The following LYST variants were observed in gnomAD, a reference collection of about 807,000 sequenced individuals.
LYST encodes lysosomal-trafficking regulator.
Under a neutral mutation model 413.6 loss-of-function variants are expected in LYST, and 192 were observed. That is an observed-to-expected ratio of 0.46 (90% CI 0.41 to 0.52). The LOEUF is 0.52. Among genes scored for constraint, LYST ranks in the 20% least tolerant of loss-of-function variants. The pLI is 0.00. For missense variants in LYST, 3,815 were observed against 4,499.9 expected, an observed-to-expected ratio of 0.85 and a Z score of 4.35; for synonymous variants, 1,525 against 1,567.3, an observed-to-expected ratio of 0.97 and a Z score of 0.64.
At chr1:235,834,829 G>A (rs969593493) in intron 1 of LYST, among the ~76,000 whole-genome samples, 7 of 152,002 alleles carry the variant, frequency 4.6e-5, no homozygotes, top group African/African-American at 1.4e-4. Context: ...GTATATCAAC[G>A]GCTCAACCAA....
At chr1:235,830,918 T>C (rs981263756) in intron 2 of LYST, among the ~76,000 whole-genome samples, 2 of 152,188 alleles carry the variant, frequency 1.3e-5, no homozygotes, top group South Asian at 4.1e-4. Flanking sequence ...TGAAAAATTC[T>C]AATAGCTAAA....
In LYST at chr1:235,757,451, C is replaced by T. The variant is rs1180470841; in HGVS notation, c.6889G>A (p.Glu2297Lys). Reference sequence around the variant, plus strand: ...CAGCATATAGGTACCAAACAGTCTTCAGTTACACTAAAACAGAGACCAAAA... The same window carrying T: ...CAGCATATAGGTACCAAACAGTCTTTAGTTACACTAAAACAGAGACCAAAA... Reference protein sequence around the residue: ...NRTASAHSVTEDCLVPICCGL... With the variant: ...NRTASAHSVTKDCLVPICCGL... Residue 2297 changes from glutamate (E) to lysine (K), a missense_variant, in exon 24 of 53, where the codon GAA becomes AAA. This residue lies in a region of LYST where 771 missense variants were observed against 837.1 expected (regional missense o/e 0.92). Coordinates refer to ENST00000389793, the MANE Select transcript of LYST (RefSeq NM_000081.4). The T allele has an allele frequency of 1.9e-6, 3 of 1,613,148 alleles. No individual in the cohort carries two copies. The highest frequency in any genetic ancestry group is 2.5e-6 in the Non-Finnish European group (3 of 1,179,354).
intron 50 of LYST, among the ~76,000 whole-genome samples, chr1:235,670,261 T>C (rs1658825958): frequency 6.6e-6 from 1 of 152,170 alleles, no homozygotes; most frequent in African/African-American, 2.4e-5. Flanking sequence ...CTCAAGCCAA[T>C]GGGGAGAGGA....
At chr1:235,883,088 CG>C (rs1681450866) in intron 1 of LYST, 2 of 152,358 alleles carry the variant, frequency 1.3e-5, no homozygotes, top group Admixed American at 6.5e-5. Context: ...TCACCTTTCT[CG>C]GTGGTACTTA....
intron 45 of LYST, among the ~76,000 whole-genome samples, chr1:235,700,290 A>G (rs972813421): frequency 3.7e-4 from 57 of 152,328 alleles, no homozygotes; most frequent in African/African-American, 1.3e-3. Context: ...CAGAGTGAAC[A>G]AGCAACCTAT....
At chr1:235,779,158 T>A (rs1011714386) in intron 16 of LYST, among the ~76,000 whole-genome samples, 4 of 152,152 alleles carry the variant, frequency 2.6e-5, no homozygotes, top group Non-Finnish European at 5.9e-5. Context: ...TGAGCCACCG[T>A]GCCTGGCCGA....
intron 1 of LYST, among the ~76,000 whole-genome samples, chr1:235,860,109 C>G (rs1343799789): frequency 6.6e-6 from 1 of 152,120 alleles, no homozygotes; most frequent in Admixed American, 6.5e-5. Flanking sequence ...ACCTTCCTCT[C>G]CCCCCATTTT....
Position 235,808,939 on chromosome 1 carries a change from C to G in LYST, c.1879G>C (p.Glu627Gln). ...KLILDQLGGA[E>Q]ISPKIKKAAC... is the part of the protein sequence containing the mutation. ...GCTTTTTTAATTTTTGGTGATATCT[C>G]TGCTCCTCCTAACTGATCCAAAATA... Residue 627 changes from glutamate (E) to glutamine (Q), a missense_variant, in exon 5 of 53, where the codon GAG (glutamate) becomes CAG (glutamine). By Grantham distance (29) the Glu-to-Gln change is conservative (BLOSUM62 2). Coordinates refer to ENST00000389793, the MANE Select transcript of LYST (RefSeq NM_000081.4). The G allele has an allele frequency of 6.2e-7, 1 of 1,613,174 alleles. No homozygotes were observed. Among genetic ancestry groups the G allele is most frequent in the Non-Finnish European group, 8.5e-7 (1 of 1,179,420 alleles).
chr1:235,883,360 T>G (rs929114418), exon 1 of LYST: 2 of 152,666 alleles, frequency 1.3e-5, no homozygotes, highest in Non-Finnish European at 2.9e-5. Flanking sequence ...AGGGTAGGAT[T>G]ATTCCCCTGG....
Position 235,808,793 on chromosome 1 carries a change from T to C in LYST, c.2025A>G (p.Gln675=). 6.2e-7 allele frequency: 1 copy of C among 1,614,038 alleles called. No homozygotes were observed. Among genetic ancestry groups the C allele is most frequent in the Non-Finnish European group, 8.5e-7 (1 of 1,179,982 alleles). The change falls in exon 5 of 53, where the codon CAA becomes CAG. Residue 675 remains glutamine, a synonymous_variant. Coordinates refer to ENST00000389793, the MANE Select transcript of LYST (RefSeq NM_000081.4). ...CAGATCCACTGCTGGGCAGGATCCCTTGAAATCTGTAAGAAGGACTGGATA... is the reference window on the plus strand; with the variant it reads ...CAGATCCACTGCTGGGCAGGATCCCCTGAAATCTGTAAGAAGGACTGGATA... ...SSLSSPSYRF[Q]GILPSSGSED...
intron 14 of LYST, among the ~76,000 whole-genome samples, chr1:235,784,498 G>T (rs1171424674): frequency 6.6e-6 from 1 of 152,174 alleles, no homozygotes; most frequent in Non-Finnish European, 1.5e-5. Flanking sequence ...GGCTGCAGGG[G>T]CAGTAAAGCA....
chr1:235,758,000 A>C (rs1667208873), intron 23 of LYST, among the ~76,000 whole-genome samples: 1 of 152,044 alleles, frequency 6.6e-6, no homozygotes, highest in African/African-American at 2.4e-5. Flanking sequence ...GGAAGAATCT[A>C]GCATTACAGA....
Position 235,813,031 on chromosome 1 carries a change from G to A in LYST, c.223C>T (p.Leu75Phe). 6.2e-7 allele frequency: 1 copy of A among 1,609,796 alleles called. No homozygotes were observed. The highest frequency in any genetic ancestry group is 8.5e-7 in the Non-Finnish European group (1 of 1,176,228). The part of the protein sequence containing the change: ...ALTCREELLT[L>F]LLSLLPLVWK... Reference sequence around the variant, plus strand: ...ACCAGTGGAAGGAGAGACAGAAGAAGAGTCAGGAGTTCTTCTCTACATGTC... The same window carrying A: ...ACCAGTGGAAGGAGAGACAGAAGAAAAGTCAGGAGTTCTTCTCTACATGTC... The change falls in exon 4 of 53, where the codon CTT becomes TTT. Residue 75 changes from leucine (L) to phenylalanine (F), a missense_variant. By Grantham distance (22) the Leu-to-Phe change is conservative. This residue lies in a region of LYST where 1,648 missense variants were observed against 1,810.3 expected (regional missense o/e 0.91). Transcript: ENST00000389793.
At chr1:235,869,491 A>G (rs1414129150), upstream of LYST, among the ~76,000 whole-genome samples, 1 of 152,218 alleles carries the variant, frequency 6.6e-6, no homozygotes, top group East Asian at 1.9e-4. Flanking sequence ...AATAATAATT[A>G]AAAAAGCTCT....
intron 1 of LYST, among the ~76,000 whole-genome samples, chr1:235,843,839 C>G (rs1477287453): frequency 6.6e-6 from 1 of 152,128 alleles, no homozygotes; most frequent in African/African-American, 2.4e-5. Flanking sequence ...CCTCATCAAA[C>G]AGTAACACCC....
intron 3 of LYST, among the ~76,000 whole-genome samples, chr1:235,813,909 A>T (rs754824059): frequency 3.3e-5 from 5 of 152,160 alleles, no homozygotes; most frequent in African/African-American, 4.8e-5. Context: ...ATGATGACAC[A>T]ATCAGATTTG....
intron 48 of LYST, among the ~76,000 whole-genome samples, chr1:235,678,253 G>T (rs1241449522): frequency 6.6e-6 from 1 of 152,098 alleles, no homozygotes; most frequent in African/African-American, 2.4e-5. Flanking sequence ...AGGAGGTCGA[G>T]ACCAGCCTGG....
At chr1:235,741,855 G>C (rs1378804561) in intron 30 of LYST, among the ~76,000 whole-genome samples, 1 of 152,218 alleles carries the variant, frequency 6.6e-6, no homozygotes, top group Non-Finnish European at 1.5e-5. Flanking sequence ...GGTGGAAACA[G>C]TCTGAACGTC....
chr1:235,695,175 A>G (rs1439110948), intron 46 of LYST, among the ~76,000 whole-genome samples: 1 of 152,260 alleles, frequency 6.6e-6, no homozygotes, highest in Non-Finnish European at 1.5e-5. Flanking sequence ...AGAATGAACC[A>G]GGCACTGTGC....
Sources: allele counts gnomAD v4.1 joint callset (sites outside exome capture counted in the v4.1 genomes callset), GRCh38; gene constraint gnomAD v4.1.1; regional missense constraint gnomAD v4.1.1; transcripts MANE v1.5; gene names NCBI Gene and HGNC (gene_info 2026-07-23, HGNC 2026-07-21).